Variants in SLC25A24 observed in about 807,000 individuals in gnomAD.
SLC25A24 encodes the protein solute carrier family 25 member 24, also known as mitochondrial adenyl nucleotide antiporter SLC25A24.
Under a neutral mutation model 60.7 loss-of-function variants are expected in SLC25A24, and 49 were observed. That is an observed-to-expected ratio of 0.81 (90% CI 0.64 to 1.02). The LOEUF is 1.02. SLC25A24 is among the 50% of genes least tolerant of loss of function. The pLI is 0.00. For synonymous variants in SLC25A24, 202 were observed against 200.6 expected (o/e 1.01, Z -0.06); for missense variants, 564 against 586.3 (o/e 0.96, Z 0.39).
At chr1:108,189,160 T>A (rs1571309897) in intron 1 of SLC25A24, among the ~76,000 whole-genome samples, 1 of 152,302 alleles carries the variant, frequency 6.6e-6, no homozygotes, top group East Asian at 1.9e-4. Context: ...CTGACCCTAT[T>A]TTTGAACAGT....
chr1:108,173,831 A>G (rs909945840), intron 3 of SLC25A24, among the ~76,000 whole-genome samples: 1 of 152,178 alleles, frequency 6.6e-6, no homozygotes, highest in Non-Finnish European at 1.5e-5. Flanking sequence ...GAGATGAGGA[A>G]CTTGTTGGGA....
chr1:108,152,738 C>G (rs1337490996), intron 6 of SLC25A24, among the ~76,000 whole-genome samples: 1 of 152,178 alleles, frequency 6.6e-6, no homozygotes, highest in Non-Finnish European at 1.5e-5. Flanking sequence ...ATAAGGGTTT[C>G]CTGGCACTGG....
At chr1:108,137,231 TACACTTTCC>T (rs1200624920) in intron 9 of SLC25A24, among the ~76,000 whole-genome samples, 1 of 152,160 alleles carries the variant, frequency 6.6e-6, no homozygotes, top group Non-Finnish European at 1.5e-5. Context: ...CTAAAGCTGG[TACACTTTCC>T]ACCACCCCAC....
At chr1:108,138,625 C>T (rs183067467) in intron 9 of SLC25A24, among the ~76,000 whole-genome samples, 3 of 152,222 alleles carry the variant, frequency 2.0e-5, no homozygotes, top group Admixed American at 2.0e-4. Context: ...CCACCATTTA[C>T]CAAAAATTTA....
chr1:108,167,394 C>T (rs1291832968), intron 3 of SLC25A24, among the ~76,000 whole-genome samples: 1 of 151,782 alleles, frequency 6.6e-6, no homozygotes, highest in Non-Finnish European at 1.5e-5. Context: ...CCCAGCCTCG[C>T]TGCCGCCTTG....
intron 3 of SLC25A24, among the ~76,000 whole-genome samples, chr1:108,161,512 A>T (rs1249691589): frequency 6.6e-6 from 1 of 152,248 alleles, no homozygotes; most frequent in Non-Finnish European, 1.5e-5. Flanking sequence ...CCCAAAAATT[A>T]CAGCCAGCTC....
chr1:108,185,958 T>TAA lies in SLC25A24; in HGVS notation c.184-6_184-5dup. The TAA allele has an allele frequency of 2.6e-6, 4 of 1,538,514 alleles. No homozygotes were observed. Among genetic ancestry groups the TAA allele is most frequent in the South Asian group, 1.2e-5 (1 of 81,282 alleles). ...CATCTCCAGTAGTAAAAATTTTCTA[T>TAA]AAAAAAAAATTAGAGAGAAGTTATT... is the stretch of plus-strand genomic sequence containing the variant. On this transcript the variant is annotated splice_region_variant and splice_polypyrimidine_tract_variant and intron_variant, in intron 1 of 9. Transcript: ENST00000565488.
intron 7 of SLC25A24, among the ~76,000 whole-genome samples, chr1:108,146,149 C>T (rs1679583294): frequency 6.6e-6 from 1 of 152,148 alleles, no homozygotes; most frequent in Non-Finnish European, 1.5e-5. Context: ...AAGTTGTATT[C>T]CGAGGTATTT....
At chr1:108,143,086 A>AT (rs559898180) in intron 8 of SLC25A24, among the ~76,000 whole-genome samples, 143 of 152,272 alleles carry the variant, frequency 9.4e-4, no homozygotes, top group African/African-American at 3.4e-3. Context: ...CCAGTGTCTA[A>AT]CCTAGTGGTT....
At position 108,195,361 on chromosome 1, in the gene SLC25A24, T is replaced by C. The variant is rs1648462556; in HGVS notation, c.183+4595A>G. On this transcript the variant is annotated intron_variant, in intron 1 of 9. Coordinates refer to ENST00000565488, the MANE Select transcript of SLC25A24 (RefSeq NM_013386.5). ...ATGGCTGTGGCCTAGTCAGGGAATA[T>C]GGCATGTTGGGAGTTTGGAAAGGTG... Among the ~76,000 whole-genome samples the C allele has an allele frequency of 3.3e-5, 5 of 152,194 alleles. No individual in the cohort carries two copies. The South Asian group carries it at 1.0e-3, about 31-fold the overall frequency.
At chr1:108,168,426 T>A (rs993299924) in intron 3 of SLC25A24, among the ~76,000 whole-genome samples, 1 of 152,190 alleles carries the variant, frequency 6.6e-6, no homozygotes, top group Non-Finnish European at 1.5e-5. Flanking sequence ...TTAATTTCAT[T>A]CAAAGTTATA....
rs375437378 is a variant in SLC25A24, at chr1:108,199,730, A to G, written c.183+226T>C. ...CCAGAGTGTCCACAACACTCATTTT[A>G]TCTGGACAAATACCAGTAGACTTTC... is the stretch of plus-strand genomic sequence containing the variant. On this transcript the variant is annotated intron_variant, in intron 1 of 9. Transcript: ENST00000565488. 3.0e-4 allele frequency: 177 copies of G among 585,438 alleles called. No homozygotes were observed. In the East Asian group the frequency reaches 4.9e-3, roughly 16 times the overall value. The allele number at this position is 585,438 out of a possible 1,614,324, so 36.3% of individuals were successfully genotyped here. A position where few individuals can be genotyped will look rare whatever the true frequency, so the allele number is the denominator to read the frequency against.
chr1:108,148,749 C>T (rs949678630), intron 6 of SLC25A24, among the ~76,000 whole-genome samples: 5 of 152,154 alleles, frequency 3.3e-5, no homozygotes, highest in African/African-American at 7.2e-5. Context: ...AATAAATTTC[C>T]GTTGTTGATT....
At chr1:108,195,394 G>T (rs1648463558) in intron 1 of SLC25A24, among the ~76,000 whole-genome samples, 1 of 152,170 alleles carries the variant, frequency 6.6e-6, no homozygotes, top group South Asian at 2.1e-4. Flanking sequence ...GTGACAAAAG[G>T]CTTAGAATGC....
Position 108,192,582 on chromosome 1 carries a change from A to C in SLC25A24, c.184-6628T>G, listed in dbSNP as rs776625606. 6.7e-6 allele frequency: 10 copies of C among 1,498,960 alleles called. 3 individuals are homozygous for C. Among genetic ancestry groups the C allele is most frequent in the Non-Finnish European group, 9.0e-6 (10 of 1,113,716 alleles). 92.9% of individuals were successfully genotyped at this position (1,498,960 alleles called of 1,614,324 possible). On this transcript the variant is annotated intron_variant, in intron 1 of 9. Coordinates refer to ENST00000565488, the MANE Select transcript of SLC25A24 (RefSeq NM_013386.5). ...ATGTCCAAGGTCCCATCCTTGTTATAGTCCAGGTACCAAAAGAGATCTCCG... is the reference window on the plus strand; with the variant it reads ...ATGTCCAAGGTCCCATCCTTGTTATCGTCCAGGTACCAAAAGAGATCTCCG...
chr1:108,200,073 C>G lies in SLC25A24; in HGVS notation c.66G>C (p.Thr22=). ...GTGCCTGGAAGAGGGTCTCGTAGCG[C>G]GTCGGCTGCTCCGCGTCCTGGCAGG... is the stretch of plus-strand genomic sequence containing the variant. ...TAACQDAEQP[T]RYETLFQALD... is the part of the protein sequence containing the mutation. Residue 22 remains threonine, a synonymous_variant, in exon 1 of 10, where the codon ACG becomes ACC. Transcript: ENST00000565488. 6.3e-7 allele frequency: 1 copy of G among 1,591,028 alleles called. No individual in the cohort carries two copies.
At chr1:108,189,892 TAGAG>T (rs1341818796) in intron 1 of SLC25A24, among the ~76,000 whole-genome samples, 8 of 148,218 alleles carry the variant, frequency 5.4e-5, no homozygotes, top group African/African-American at 1.5e-4. Context: ...TATGTATATA[TAGAG>T]AGAGTATATA....
Position 108,134,181 on chromosome 1 carries a change from C to A in SLC25A24, c.*2472G>T, listed in dbSNP as rs1205833267. ...CAATTGCACACAGAGCTGCCTTGTGCAGCTGTGGACAGGGACAGGTGTGTG... is the reference window on the plus strand; with the variant it reads ...CAATTGCACACAGAGCTGCCTTGTGAAGCTGTGGACAGGGACAGGTGTGTG... On this transcript the variant is annotated 3_prime_UTR_variant, in exon 10 of 10. Transcript: ENST00000565488. The A allele has an allele frequency of 6.6e-6, 1 of 152,198 alleles. No individual in the cohort carries two copies. Among genetic ancestry groups the A allele is most frequent in the Non-Finnish European group, 1.5e-5 (1 of 68,052 alleles). The allele number at this position is 152,198 out of a possible 1,614,324, so 9.4% of individuals were successfully genotyped here.
chr1:108,144,637 A>G (rs111494914), intron 7 of SLC25A24, among the ~76,000 whole-genome samples: 3 of 152,060 alleles, frequency 2.0e-5, no homozygotes, highest in South Asian at 2.1e-4. Flanking sequence ...GTGTCCATGT[A>G]TTCTCATTGT....
Sources: gnomAD v4.1 joint callset for allele counts (sites outside exome capture counted in the v4.1 genomes callset) on GRCh38, gnomAD v4.1.1 for gene constraint, MANE v1.5 for transcripts, NCBI Gene and HGNC (gene_info 2026-07-23, HGNC 2026-07-21) for gene names.